Variants in RNF216 observed in about 807,000 individuals in gnomAD.
RNF216 encodes the protein E3 ubiquitin-protein ligase RNF216.
Under a neutral mutation model 110.8 loss-of-function variants are expected in RNF216, and 72 were observed. That is an observed-to-expected ratio of 0.65 (90% CI 0.54 to 0.79). RNF216 has a LOEUF of 0.79. Among genes scored for constraint, RNF216 ranks in the 30% least tolerant of loss-of-function variants. The pLI is 0.00. For missense variants in RNF216, 1,342 were observed against 1,141.2 expected, an observed-to-expected ratio of 1.18 and a Z score of -2.54; for synonymous variants, 495 against 407.5, an observed-to-expected ratio of 1.21 and a Z score of -2.59.
At chr7:5,673,850 CTT>C (rs1426995001) in intron 13 of RNF216, among the ~76,000 whole-genome samples, 3 of 143,680 alleles carry the variant, frequency 2.1e-5, no homozygotes, top group Non-Finnish European at 4.5e-5. Context: ...CCATCTCTCT[CTT>C]TCTCTCATTT....
At chr7:5,704,209 G>A (rs1026173486) in intron 13 of RNF216, among the ~76,000 whole-genome samples, 10 of 152,062 alleles carry the variant, frequency 6.6e-5, no homozygotes, top group East Asian at 1.9e-4. Context: ...TCCAGAGGCC[G>A]TCTTATATTA....
chr7:5,684,616 C>A (rs907058304), intron 13 of RNF216, among the ~76,000 whole-genome samples: 1 of 152,172 alleles, frequency 6.6e-6, no homozygotes, highest in African/African-American at 2.4e-5. Flanking sequence ...CCCATGTAGC[C>A]ACGTAGCTTT....
chr7:5,746,224 G>C (rs1795022197), intron 3 of RNF216, among the ~76,000 whole-genome samples: 1 of 152,164 alleles, frequency 6.6e-6, no homozygotes, highest in Admixed American at 6.5e-5. Flanking sequence ...CCAAGGTTAG[G>C]CTGCACTGTG....
At position 5,641,141 on chromosome 7, in the gene RNF216, T is replaced by C. The variant is rs765662032; in HGVS notation, c.2382+13A>G. On this transcript the variant is annotated intron_variant, in intron 15 of 16. Coordinates refer to ENST00000389902, the MANE Select transcript of RNF216 (RefSeq NM_207111.4). The stretch of plus-strand genomic sequence containing the variant: ...CTCCCTATAAAGCAATAGGCAGCCA[T>C]GTGTCTACTTACAGTGGGATCGGTC... The C allele has an allele frequency of 7.6e-6, 12 of 1,576,014 alleles. No homozygotes were observed. Among genetic ancestry groups the C allele is most frequent in the Admixed American group, 6.7e-5 (4 of 59,518 alleles).
rs1793699659 is a variant in RNF216 at position 5,725,572 on chromosome 7, T to G, written c.1390-134A>C. Reference sequence around the variant, plus strand: ...ATGGCTAACAATTGGTAGTGGCAGCTGGGTGCGGTGGCTGACGCCTGTAAT... The same window carrying G: ...ATGGCTAACAATTGGTAGTGGCAGCGGGGTGCGGTGGCTGACGCCTGTAAT... On this transcript the variant is annotated intron_variant, in intron 7 of 16. Coordinates refer to ENST00000389902, the MANE Select transcript of RNF216 (RefSeq NM_207111.4). 83 of 630,940 alleles carry G rather than the reference T, an allele frequency of 1.3e-4. 4 individuals carry two copies. In the South Asian group the frequency reaches 1.6e-3, roughly 12 times the overall value. 39.1% of individuals were successfully genotyped at this position (630,940 alleles called of 1,614,324 possible).
At chr7:5,656,467 A>G (rs1246282009) in intron 13 of RNF216, among the ~76,000 whole-genome samples, 2 of 152,188 alleles carry the variant, frequency 1.3e-5, no homozygotes, top group Non-Finnish European at 2.9e-5. Context: ...GCGGGACCAC[A>G]CTTTCTATCC....
At chr7:5,760,100 C>A (rs1249148262) in intron 2 of RNF216, among the ~76,000 whole-genome samples, 1 of 152,046 alleles carries the variant, frequency 6.6e-6, no homozygotes, top group African/African-American at 2.4e-5. Context: ...GATTTTTTTC[C>A]TTTTAGCCCA....
At chr7:5,748,488 G>C (rs1795152259) in intron 3 of RNF216, among the ~76,000 whole-genome samples, 1 of 152,010 alleles carries the variant, frequency 6.6e-6, no homozygotes, top group Non-Finnish European at 1.5e-5. Context: ...TTGAACTCTT[G>C]GCCTTGGCCT....
At position 5,759,633 on chromosome 7, in the gene RNF216, C is replaced by CTTCTTTTTTTTTT. The variant is rs59390560; in HGVS notation, c.67+1369_67+1370insAAAAAAAAAAGAA. Among the ~76,000 whole-genome samples, 26 of 131,154 alleles carry CTTCTTTTTTTTTT rather than the reference C, an allele frequency of 2.0e-4. 6 individuals are homozygous for CTTCTTTTTTTTTT. The highest frequency in any genetic ancestry group is 2.5e-4 in the Non-Finnish European group (16 of 63,346). The allele number at this position is 131,154 out of a possible 152,430, so 86.0% of individuals were successfully genotyped here. ...AAGTTTTGGTGGAGTCATTTTTCTT[C>CTTCTTTTTTTTTT]TTTTTTTTTTTTTTTTGAGACGGAG... On this transcript the variant is annotated intron_variant, in intron 2 of 16. Coordinates refer to ENST00000389902, the MANE Select transcript of RNF216 (RefSeq NM_207111.4).
At position 5,620,839 on chromosome 7, in the gene RNF216, G is replaced by A. The variant is rs1786308117; in HGVS notation, c.*2021C>T. The A allele has an allele frequency of 6.6e-6, 1 of 152,300 alleles. No individual in the cohort carries two copies. The highest frequency in any genetic ancestry group is 1.5e-5 in the Non-Finnish European group (1 of 68,098). 9.4% of individuals were successfully genotyped at this position (152,300 alleles called of 1,614,324 possible). On this transcript the variant is annotated 3_prime_UTR_variant, in exon 17 of 17. Transcript: ENST00000389902. Reference sequence around the variant, plus strand: ...GTGCCTAGGGTACAGGGCAGAGGGAGCTGAGGCTCCCAGGGCCTGAGGTCA... The same window carrying A: ...GTGCCTAGGGTACAGGGCAGAGGGAACTGAGGCTCCCAGGGCCTGAGGTCA...
chr7:5,630,873 G>C (rs77092068), intron 15 of RNF216, among the ~76,000 whole-genome samples: 9 of 152,246 alleles, frequency 5.9e-5, no homozygotes, highest in African/African-American at 1.9e-4. Context: ...CTGGCACAGC[G>C]AGGTTGTGAC....
intron 13 of RNF216, among the ~76,000 whole-genome samples, chr7:5,710,487 A>C (rs1400438974): frequency 6.6e-6 from 1 of 152,202 alleles, no homozygotes; most frequent in Non-Finnish European, 1.5e-5. Context: ...TTACCAGGAA[A>C]TGTAGTTCCC....
At chr7:5,636,113 C>T (rs977397596) in intron 15 of RNF216, among the ~76,000 whole-genome samples, 1 of 152,170 alleles carries the variant, frequency 6.6e-6, no homozygotes, top group African/African-American at 2.4e-5. Flanking sequence ...ATTTGCTCCC[C>T]ACCTCAGCTA....
At chr7:5,773,245 G>C (rs983641792) in intron 1 of RNF216, among the ~76,000 whole-genome samples, 6 of 151,232 alleles carry the variant, frequency 4.0e-5, no homozygotes, top group African/African-American at 1.5e-4. Context: ...CCCCAAATAA[G>C]ATTTTTTTTT....
At chr7:5,629,263 G>A (rs1176999369) in intron 15 of RNF216, among the ~76,000 whole-genome samples, 1 of 150,932 alleles carries the variant, frequency 6.6e-6, no homozygotes, top group Admixed American at 6.6e-5. Flanking sequence ...GATCGCTTGA[G>A]GCCAGGATTT....
At chr7:5,774,883 A>G (rs1375422381) in intron 1 of RNF216, 1 of 151,876 alleles carries the variant, frequency 6.6e-6, no homozygotes, top group African/African-American at 2.4e-5. Context: ...TCAGCCTCCC[A>G]AGTTACAGGC....
intron 7 of RNF216, among the ~76,000 whole-genome samples, chr7:5,726,732 G>A (rs1022348016): frequency 6.6e-6 from 1 of 151,954 alleles, no homozygotes; most frequent in Admixed American, 6.6e-5. Context: ...GGTAGCAAGC[G>A]CCTGTAATCC....
rs139723150 is a variant in RNF216 at position 5,694,326 on chromosome 7, A to G, written c.2061+17435T>C. Among the ~76,000 whole-genome samples the G allele has an allele frequency of 4.6e-3, 697 of 152,326 alleles. 3 individuals carry two copies. The highest frequency in any genetic ancestry group is 0.016 in the African/African-American group (675 of 41,566). On this transcript the variant is annotated intron_variant, in intron 13 of 16. Coordinates refer to ENST00000389902, the MANE Select transcript of RNF216 (RefSeq NM_207111.4). The stretch of plus-strand genomic sequence containing the variant: ...GAGCTTGCTTCCGCCACTGCTACTC[A>G]ATGATATTCTCTTTAAGGAATGACT...
At chr7:5,763,553 C>A (rs1796040352) in intron 1 of RNF216, among the ~76,000 whole-genome samples, 2 of 151,910 alleles carry the variant, frequency 1.3e-5, no homozygotes, top group Admixed American at 1.3e-4. Context: ...TAACTTGAAC[C>A]CAGTAGGAGG....
Sources: gnomAD v4.1 joint callset for allele counts (sites outside exome capture counted in the v4.1 genomes callset) on GRCh38, gnomAD v4.1.1 for gene constraint, MANE v1.5 for transcripts, NCBI Gene and HGNC (gene_info 2026-07-23, HGNC 2026-07-21) for gene names.